The following LOC728392 variants were observed in gnomAD, a reference collection of about 807,000 sequenced individuals.
the LOC728392 span, chr17:5,499,807 G>A: frequency 1.8e-5 from 18 of 985,928 alleles, no homozygotes; most frequent in Non-Finnish European, 2.0e-5. Flanking sequence ...TCATCCTCAG[G>A]AGTGCGCCAG....
the LOC728392 span, chr17:5,500,852 G>T: frequency 8.1e-7 from 1 of 1,230,072 alleles, no homozygotes; most frequent in Admixed American, 2.9e-5. The surrounding 1 kb of genome is among the most constrained non-coding windows in gnomAD (Gnocchi z 5.4). Context: ...CGCGGGCAGC[G>T]GGAGGGTCTT....
chr17:5,500,075 TCTCGGCCGCGCCAA>T, the LOC728392 span: 3 of 986,118 alleles, frequency 3.0e-6, no homozygotes, highest in Non-Finnish European at 3.6e-6. This position sits in a 1 kb window ranked among gnomAD's most constrained non-coding sequence, Gnocchi z 5.4. Context: ...TCTTGTCCTC[TCTCGGCCGCGCCAA>T]CTCTGGGGCA....
chr17:5,500,999 A>G, the LOC728392 span: 3 of 1,191,226 alleles, frequency 2.5e-6, no homozygotes, highest in African/African-American at 3.3e-5. The surrounding 1 kb of genome is among the most constrained non-coding windows in gnomAD (Gnocchi z 5.4). Context: ...TCTGGGTCAG[A>G]GCGCAGTGGG....
the LOC728392 span, chr17:5,500,111 T>A: frequency 3.0e-6 from 3 of 986,270 alleles, no homozygotes; most frequent in African/African-American, 5.2e-5. This position sits in a 1 kb window ranked among gnomAD's most constrained non-coding sequence, Gnocchi z 5.4. Flanking sequence ...AGCTGGCTCC[T>A]CCTGGGGGCG....
chr17:5,499,966 C>G, the LOC728392 span: 31 of 985,882 alleles, frequency 3.1e-5, no homozygotes, highest in Non-Finnish European at 3.5e-5. Flanking sequence ...GCAGGAAAAA[C>G]ACACAGTCGT....
chr17:5,500,475 A>C, the LOC728392 span: 8 of 1,152,130 alleles, frequency 6.9e-6, no homozygotes, highest in Non-Finnish European at 7.6e-6. This position sits in a 1 kb window ranked among gnomAD's most constrained non-coding sequence, Gnocchi z 5.4. Flanking sequence ...AGACGGAAAG[A>C]AACAAGCATC....
chr17:5,500,645 G>C, the LOC728392 span: 1 of 1,276,152 alleles, frequency 7.8e-7, no homozygotes, highest in Non-Finnish European at 1.0e-6. The surrounding 1 kb of genome is among the most constrained non-coding windows in gnomAD (Gnocchi z 5.4). Context: ...AGGTGATGGA[G>C]AAGGCGATGG....
chr17:5,500,241 C>T, the LOC728392 span: 11 of 992,676 alleles, frequency 1.1e-5, no homozygotes, highest in African/African-American at 8.7e-5. This position sits in a 1 kb window ranked among gnomAD's most constrained non-coding sequence, Gnocchi z 5.4. Context: ...CAAGATTGGG[C>T]GCACTCTGAG....
chr17:5,501,001 C>A, the LOC728392 span: 4 of 1,185,748 alleles, frequency 3.4e-6, no homozygotes, highest in South Asian at 1.4e-5. Flanking sequence ...TGGGTCAGAG[C>A]GCAGTGGGCG....
chr17:5,499,895 G>T, the LOC728392 span: 2 of 985,482 alleles, frequency 2.0e-6, no homozygotes, highest in Non-Finnish European at 2.4e-6. Context: ...TGGTCTCCTG[G>T]TGAGACAGCT....
the LOC728392 span, chr17:5,500,462 C>A: frequency 8.7e-7 from 1 of 1,146,448 alleles, no homozygotes; most frequent in Non-Finnish European, 1.1e-6. The surrounding 1 kb of genome is among the most constrained non-coding windows in gnomAD (Gnocchi z 5.4). Context: ...ATAGTGACAA[C>A]AAAGACGGAA....
chr17:5,500,969 G>T, the LOC728392 span: 1 of 1,240,024 alleles, frequency 8.1e-7, no homozygotes, highest in Non-Finnish European at 1.0e-6. This position sits in a 1 kb window ranked among gnomAD's most constrained non-coding sequence, Gnocchi z 5.4. Context: ...GCAGGATCGC[G>T]GGTAGGTGGG....
the LOC728392 span, chr17:5,500,569 T>A: frequency 3.9e-5 from 48 of 1,240,440 alleles, no homozygotes; most frequent in Non-Finnish European, 4.7e-5. This position sits in a 1 kb window ranked among gnomAD's most constrained non-coding sequence, Gnocchi z 5.4. Context: ...CGCTCGGTCC[T>A]GCGCCCACCC....
the LOC728392 span, chr17:5,500,768 G>A: frequency 1.7e-6 from 2 of 1,203,748 alleles, no homozygotes; most frequent in South Asian, 3.0e-5. The surrounding 1 kb of genome is among the most constrained non-coding windows in gnomAD (Gnocchi z 5.4). Flanking sequence ...GGGGCTGCCC[G>A]GCGCGGCCCC....
the LOC728392 span, chr17:5,499,975 G>A: frequency 1.8e-5 from 18 of 986,058 alleles, no homozygotes; most frequent in Non-Finnish European, 1.9e-5. Flanking sequence ...ACACACAGTC[G>A]TGGTCAGCCG....
At chr17:5,499,733 C>T in the LOC728392 span, 10 of 979,574 alleles carry the variant, frequency 1.0e-5, no homozygotes, top group African/African-American at 1.8e-5. Flanking sequence ...CGGGCCAGAA[C>T]GAAGCCATCC....
the LOC728392 span, chr17:5,500,677 G>T: frequency 7.9e-7 from 1 of 1,272,168 alleles, no homozygotes; most frequent in Non-Finnish European, 1.0e-6. The surrounding 1 kb of genome is among the most constrained non-coding windows in gnomAD (Gnocchi z 5.4). Flanking sequence ...AAGATGGAGA[G>T]GTGCGGAAAA....
chr17:5,500,768 GGCGCGGCCCCCCT>G, the LOC728392 span: 1 of 1,203,748 alleles, frequency 8.3e-7, no homozygotes, highest in South Asian at 1.5e-5. This position sits in a 1 kb window ranked among gnomAD's most constrained non-coding sequence, Gnocchi z 5.4. Context: ...GGGGCTGCCC[GGCGCGGCCCCCCT>G]GCGCCCTCCC....
At chr17:5,500,270 A>T in the LOC728392 span, 4 of 998,736 alleles carry the variant, frequency 4.0e-6, no homozygotes, top group Non-Finnish European at 4.8e-6. The surrounding 1 kb of genome is among the most constrained non-coding windows in gnomAD (Gnocchi z 5.4). Flanking sequence ...ACACAAAATG[A>T]TGGGATCCCT....
Sources: gnomAD v4.1 joint callset for allele counts on GRCh38, gnomAD v4.1.1 for gene constraint, Gnocchi (gnomAD v3.1) non-coding constraint, MANE v1.5 for transcripts.